The following TEX11 variants were observed in gnomAD, a reference collection of about 807,000 sequenced individuals.
TEX11 encodes the protein testis-expressed protein 11.
Under a neutral mutation model 84.4 loss-of-function variants are expected in TEX11, and 7 were observed. The observed-to-expected ratio is 0.08, with a 90% CI of 0.05 to 0.16. TEX11 has a LOEUF of 0.16. Ranked by LOEUF, TEX11 falls within the 10% of genes least tolerant of loss-of-function variation. The probability of loss-of-function intolerance (pLI) is 1.00; values close to 1 mark genes in which losing one functional copy is unlikely to be tolerated. For missense variants in TEX11, 551 were observed against 660.5 expected (o/e 0.83, Z 1.82); for synonymous variants, 264 against 222.8 (o/e 1.18, Z -1.64).
chrX:70,639,003 C>G (rs935829723), intron 17 of TEX11, among the ~76,000 whole-genome samples: 2 of 110,009 alleles, frequency 1.8e-5, no homozygotes, highest in African/African-American at 3.3e-5. Context: ...CTGAGGTACC[C>G]GGTTCATCTG....
chrX:70,563,270 A>T (rs1292349906), intron 25 of TEX11, among the ~76,000 whole-genome samples: 1 of 111,875 alleles, frequency 8.9e-6, no homozygotes, highest in Non-Finnish European at 1.9e-5. Flanking sequence ...GAGAGCCAGG[A>T]CCCTAATCCC....
intron 16 of TEX11, 115 bp from the exon 17 acceptor site, chrX:70,651,667 T>A (rs774240104): frequency 4.3e-6 from 2 of 460,184 alleles, no homozygotes; most frequent in South Asian, 4.4e-5. Flanking sequence ...AATGAAAATA[T>A]ATGAATCTAA....
At chrX:70,713,352 T>G (rs887703223) in intron 13 of TEX11, among the ~76,000 whole-genome samples, 2 of 112,148 alleles carry the variant, frequency 1.8e-5, no homozygotes, top group African/African-American at 6.5e-5. Context: ...ATTGGAATAG[T>G]TTCAGAAGGA....
chrX:70,630,032 G>T (rs1232585967), intron 17 of TEX11, among the ~76,000 whole-genome samples: 1 of 111,741 alleles, frequency 8.9e-6, no homozygotes, highest in Non-Finnish European at 1.9e-5. Context: ...TAAAATATGG[G>T]CCAGGCGCGG....
chrX:70,551,017 A>G (rs952124140), intron 28 of TEX11, among the ~76,000 whole-genome samples: 14 of 111,667 alleles, frequency 1.3e-4, no homozygotes, highest in African/African-American at 4.6e-4. Flanking sequence ...CCATCAACAG[A>G]TGAATGGATA....
intron 14 of TEX11, among the ~76,000 whole-genome samples, chrX:70,679,596 C>T (rs1376514373): frequency 2.8e-5 from 3 of 108,194 alleles, no homozygotes; most frequent in East Asian, 3.0e-4. Flanking sequence ...GCAACCGCCC[C>T]GTCTGAGAAG....
At position 70,873,261 on chromosome X, in the gene TEX11, C is replaced by T; in HGVS notation, c.206G>A (p.Gly69Glu). The T allele has an allele frequency of 8.3e-7, 1 of 1,202,612 alleles. No individual in the cohort carries two copies. Among genetic ancestry groups the T allele is most frequent in the African/African-American group, 1.7e-5 (1 of 57,740 alleles). The change falls in exon 4 of 30, where the codon GGA (glycine) becomes GAA (glutamate). Residue 69 changes from glycine (G) to glutamate (E), a missense_variant. Transcript: ENST00000374333. ...CTCTTCATTTACAAGCCAACCTCCT[C>T]CTATGGTAAGTGCCCAGTTCCATAG... ...VNLWNWALTIGGGWLVNEEQK... is the reference protein window; with the variant it reads ...VNLWNWALTIEGGWLVNEEQK...
At chrX:70,654,116 T>G (rs1157496780) in intron 16 of TEX11, among the ~76,000 whole-genome samples, 2 of 111,601 alleles carry the variant, frequency 1.8e-5, no homozygotes, top group Non-Finnish European at 3.8e-5. Context: ...TTTTATACAT[T>G]CATCAAACCA....
At position 70,643,154 on chromosome X, in the gene TEX11, T is replaced by A. The variant is rs1391211541; in HGVS notation, c.1483+8296A>T. On this transcript the variant is annotated intron_variant, in intron 17 of 29. Transcript: ENST00000374333. ...GACAAACAGAGAGCCAAATCATGAG[T>A]GAACTCCCATTCACAATTGCTTCAA... Among the ~76,000 whole-genome samples, 653 of 86,943 alleles carry A rather than the reference T, an allele frequency of 7.5e-3. 5 individuals are homozygous for A. Among genetic ancestry groups the A allele is most frequent in the African/African-American group, 0.027 (619 of 23,140 alleles). The allele number at this position is 86,943 out of a possible 115,157, so 75.5% of individuals were successfully genotyped here.
At chrX:70,799,403 A>C (rs772118003) in intron 9 of TEX11, among the ~76,000 whole-genome samples, 1 of 112,218 alleles carries the variant, frequency 8.9e-6, no homozygotes, top group South Asian at 3.7e-4. Flanking sequence ...AGGAATGAGC[A>C]GGAACATTGT....
chrX:70,605,700 C>T (rs1190403930), intron 23 of TEX11, among the ~76,000 whole-genome samples, 183 bp from the exon 24 acceptor site: 1 of 111,961 alleles, frequency 8.9e-6, no homozygotes, highest in African/African-American at 3.2e-5. Flanking sequence ...ATATTACTTT[C>T]CATTGTTTTT....
chrX:70,560,188 T>C (rs1275507034), intron 25 of TEX11, among the ~76,000 whole-genome samples: 1 of 109,855 alleles, frequency 9.1e-6, no homozygotes, highest in Non-Finnish European at 1.9e-5. Context: ...TTCACTCTTG[T>C]TGCCCAGGCT....
chrX:70,717,619 A>C lies in TEX11; in HGVS notation c.1004+4999T>G, dbSNP rs1183857961. On this transcript the variant is annotated intron_variant, in intron 13 of 29. Transcript: ENST00000374333. ...CAGGCGTAAGCCACCACGCCTGGCC[A>C]CTTCATTCACTTTCTAACAGTTAAT... Among the ~76,000 whole-genome samples the C allele has an allele frequency of 2.7e-5, 3 of 111,801 alleles. No individual in the cohort carries two copies. In the Admixed American group the frequency reaches 2.8e-4, roughly 11 times the overall value.
At chrX:70,710,461 A>G (rs1430577864) in intron 13 of TEX11, among the ~76,000 whole-genome samples, 1 of 111,264 alleles carries the variant, frequency 9.0e-6, no homozygotes, top group Non-Finnish European at 1.9e-5. Context: ...TAATTTGTAG[A>G]TGAGACTTAT....
intron 13 of TEX11, among the ~76,000 whole-genome samples, chrX:70,699,920 T>G (rs1193246172): frequency 2.7e-5 from 3 of 109,867 alleles, no homozygotes; most frequent in Non-Finnish European, 5.7e-5. Context: ...TAACTATAGA[T>G]CCACAGGAAA....
chrX:70,784,861 T>A (rs1410669595), intron 9 of TEX11, among the ~76,000 whole-genome samples: 3 of 112,018 alleles, frequency 2.7e-5, no homozygotes, highest in African/African-American at 9.7e-5. Flanking sequence ...TCCATGCTCA[T>A]GGGTAGGAAG....
At chrX:70,750,930 AAAAATATATATATAT>A (rs1442801755) in intron 9 of TEX11, among the ~76,000 whole-genome samples, 1 of 36,970 alleles carries the variant, frequency 2.7e-5, no homozygotes, top group East Asian at 1.6e-3. Flanking sequence ...ATAAAAAAAA[AAAAATATATATATAT>A]ATATATATAT....
At chrX:70,692,780 A>C (rs143177819) in intron 13 of TEX11, among the ~76,000 whole-genome samples, 4 of 111,118 alleles carry the variant, frequency 3.6e-5, no homozygotes, top group Admixed American at 9.6e-5. Flanking sequence ...TGTAATCAAC[A>C]TGGGAGTGAA....
intron 9 of TEX11, among the ~76,000 whole-genome samples, chrX:70,800,748 A>G (rs73222713): frequency 0.077 from 7,380 of 95,605 alleles, 252 homozygotes; most frequent in East Asian, 0.13. Flanking sequence ...GCTGTACTGC[A>G]GTGGTGTGAT....
Sources: gnomAD v4.1 joint callset for allele counts (sites outside exome capture counted in the v4.1 genomes callset) on GRCh38, gnomAD v4.1.1 for gene constraint, MANE v1.5 for transcripts, NCBI Gene and HGNC (gene_info 2026-07-23, HGNC 2026-07-21) for gene names.